JCAD: variants seen among roughly 807,000 people sequenced by gnomAD.
JCAD encodes junctional cadherin 5 associated.
Under a neutral mutation model 98.0 loss-of-function variants are expected in JCAD, and 40 were observed. That is an observed-to-expected ratio of 0.41 (90% confidence interval 0.32 to 0.53). The LOEUF (loss-of-function observed/expected upper bound fraction) is 0.53, where lower values mean the gene tolerates loss of function less well. JCAD is among the 20% of genes least tolerant of loss of function. The probability of loss-of-function intolerance (pLI) is 0.31; values close to 1 mark genes in which losing one functional copy is unlikely to be tolerated. For missense variants in JCAD, 1,705 were observed against 1,738.1 expected (o/e 0.98, Z 0.34); for synonymous variants, 691 against 682.3 (o/e 1.01, Z -0.20).
At chr10:30,049,481 G>A (rs1357303094) in intron 1 of JCAD, among the ~76,000 whole-genome samples, 3 of 152,084 alleles carry the variant, frequency 2.0e-5, no homozygotes, top group South Asian at 2.1e-4. Context: ...GGAAAGTCTC[G>A]CCTGTCAGCA....
intron 1 of JCAD, among the ~76,000 whole-genome samples, chr10:30,049,560 G>A (rs1837426658): frequency 6.6e-6 from 1 of 152,172 alleles, no homozygotes; most frequent in Non-Finnish European, 1.5e-5. Flanking sequence ...AAGCTGACAA[G>A]CTCTGGCAGC....
intron 1 of JCAD, among the ~76,000 whole-genome samples, chr10:30,056,939 C>G (rs1278486265): frequency 6.6e-6 from 1 of 152,154 alleles, no homozygotes; most frequent in African/African-American, 2.4e-5. Context: ...CTCAACATTC[C>G]TTCCATCAGC....
chr10:30,020,055 G>A (rs1247260208), intron 3 of JCAD, among the ~76,000 whole-genome samples: 1 of 151,522 alleles, frequency 6.6e-6, no homozygotes, highest in Non-Finnish European at 1.5e-5. Context: ...TTGGCCGGGC[G>A]AGGTGGCTCA....
At chr10:30,069,366 G>A (rs1837840646) in intron 2 of JCAD, among the ~76,000 whole-genome samples, 1 of 150,182 alleles carries the variant, frequency 6.7e-6, no homozygotes, top group East Asian at 2.0e-4. Flanking sequence ...GGGAGGATGA[G>A]GCAGGAGGAT....
chr10:30,100,398 T>G (rs1325676712), intron 1 of JCAD, among the ~76,000 whole-genome samples: 1 of 152,216 alleles, frequency 6.6e-6, no homozygotes, highest in Non-Finnish European at 1.5e-5. Context: ...GTTGTTGTTG[T>G]TTGAGACAGA....
At chr10:30,064,058 G>T (rs1184652233), upstream of JCAD, among the ~76,000 whole-genome samples, 1 of 152,194 alleles carries the variant, frequency 6.6e-6, no homozygotes, top group Non-Finnish European at 1.5e-5. Flanking sequence ...GCCTGCCTTA[G>T]CCTCCCAAAG....
At chr10:30,079,127 C>T (rs1838030024) in intron 1 of JCAD, among the ~76,000 whole-genome samples, 1 of 151,952 alleles carries the variant, frequency 6.6e-6, no homozygotes, top group Non-Finnish European at 1.5e-5. Flanking sequence ...CTTGGGAGGC[C>T]GAGGCGGGCA....
intron 1 of JCAD, among the ~76,000 whole-genome samples, chr10:30,103,632 C>CA (rs768336333): frequency 2.7e-3 from 390 of 143,060 alleles, no homozygotes; most frequent in Non-Finnish European, 4.7e-3. Flanking sequence ...ACACACACAC[C>CA]CACACACACT....
At chr10:30,087,935 G>A (rs1341009851) in intron 1 of JCAD, among the ~76,000 whole-genome samples, 2 of 152,194 alleles carry the variant, frequency 1.3e-5, no homozygotes, top group Non-Finnish European at 2.9e-5. Context: ...CTGCCTCCCG[G>A]GTTGAAGCCA....
Position 30,028,501 on chromosome 10 carries a change from C to T in JCAD, c.1647G>A (p.Glu549=), listed in dbSNP as rs369630030. The change falls in exon 3 of 4, where the codon GAG becomes GAA. Residue 549 remains glutamate, a synonymous_variant. Transcript: ENST00000375377. ...GCTTGGTTTGAGTTTCGCAGGTGCT[C>T]TCGCCCTGTGAGTAAGGGGAGGAAA... is the stretch of plus-strand genomic sequence containing the variant. ...RQVSSPYSQG[E]STCETQTKLK... is the part of the protein sequence containing the mutation. 1.5e-5 allele frequency: 24 copies of T among 1,614,106 alleles called. No homozygotes were observed. Among genetic ancestry groups the T allele is most frequent in the Non-Finnish European group, 1.9e-5 (23 of 1,180,058 alleles).
At position 30,027,351 on chromosome 10, in the gene JCAD, C is replaced by T. The variant is rs770782926; in HGVS notation, c.2797G>A (p.Gly933Ser). The change falls in exon 3 of 4, where the codon GGC (glycine) becomes AGC (serine). Residue 933 changes from glycine to serine, a missense_variant. By Grantham distance (56) the Gly-to-Ser change is moderately conservative (BLOSUM62 0). Around this residue, in one of 3 missense-constraint regions of JCAD, gnomAD observed 1,278 missense variants for 1,243.1 expected, o/e 1.03. Transcript: ENST00000375377. Reference sequence around the variant, plus strand: ...CCACCTTCTTCCACGCGAAAGCGGCCCGGGGATGGAGGCCAGGCACGTGGG... The same window carrying T: ...CCACCTTCTTCCACGCGAAAGCGGCTCGGGGATGGAGGCCAGGCACGTGGG... ...GHPRAWPPSP[G>S]RFRVEEGGGA... The T allele has an allele frequency of 5.6e-6, 9 of 1,611,798 alleles. No individual in the cohort carries two copies. In the East Asian group the frequency reaches 2.0e-4, roughly 36 times the overall value.
intron 1 of JCAD, among the ~76,000 whole-genome samples, chr10:30,070,827 G>T (rs1837871924): frequency 6.6e-6 from 1 of 152,230 alleles, no homozygotes; most frequent in Admixed American, 6.5e-5. Context: ...CTGTTTATCA[G>T]TAGGCACATC....
At chr10:30,091,028 A>G (rs542437261) in intron 1 of JCAD, among the ~76,000 whole-genome samples, 2 of 152,344 alleles carry the variant, frequency 1.3e-5, no homozygotes, top group Admixed American at 1.3e-4. Flanking sequence ...GCTGGTCGTC[A>G]TCTTCATGGC....
intron 1 of JCAD, among the ~76,000 whole-genome samples, chr10:30,052,639 A>C (rs1770102092): frequency 6.6e-6 from 1 of 152,198 alleles, no homozygotes; most frequent in South Asian, 2.1e-4. Context: ...TCCATCCCAG[A>C]GTGCGGGTGC....
intron 1 of JCAD, among the ~76,000 whole-genome samples, chr10:30,071,910 C>T (rs1837898292): frequency 6.6e-6 from 1 of 152,146 alleles, no homozygotes; most frequent in Non-Finnish European, 1.5e-5. Context: ...AAAATATGCT[C>T]CTCTTCCTCA....
chr10:30,095,083 T>C (rs1486784956), intron 1 of JCAD, among the ~76,000 whole-genome samples: 1 of 152,184 alleles, frequency 6.6e-6, no homozygotes, highest in African/African-American at 2.4e-5. Flanking sequence ...CACCTCATCC[T>C]TTTCCTTAGC....
intron 1 of JCAD, among the ~76,000 whole-genome samples, chr10:30,078,237 T>A (rs1838012444): frequency 6.6e-6 from 1 of 152,224 alleles, no homozygotes; most frequent in Non-Finnish European, 1.5e-5. Context: ...AAACAATGTG[T>A]GTATGAAGCC....
chr10:30,021,319 C>T (rs1304259258), intron 3 of JCAD, among the ~76,000 whole-genome samples: 1 of 152,228 alleles, frequency 6.6e-6, no homozygotes, highest in Non-Finnish European at 1.5e-5. Context: ...CTCCCTCAGC[C>T]TCCCAAGTAG....
At chr10:30,018,298 T>TC (rs1200026806) in intron 3 of JCAD, among the ~76,000 whole-genome samples, 1 of 148,976 alleles carries the variant, frequency 6.7e-6, no homozygotes, top group African/African-American at 2.4e-5. Context: ...TTCTTCTTCT[T>TC]TTTTTTTTTT....
Sources: allele counts gnomAD v4.1 joint callset (sites outside exome capture counted in the v4.1 genomes callset), GRCh38; gene constraint gnomAD v4.1.1; regional missense constraint gnomAD v4.1.1; transcripts MANE v1.5; gene names NCBI Gene and HGNC (gene_info 2026-07-23, HGNC 2026-07-21).